Variants in FNDC7 observed in about 807,000 individuals in gnomAD.
FNDC7 encodes the protein fibronectin type III domain-containing protein 7.
Under a neutral mutation model 74.2 loss-of-function variants are expected in FNDC7, and 66 were observed. The ratio of observed to expected loss-of-function variants is 0.89; its 90% confidence interval spans 0.73 to 1.09. The LOEUF (loss-of-function observed/expected upper bound fraction) is 1.09. Ranked by LOEUF, FNDC7 falls within the 50% of genes least tolerant of loss-of-function variation. FNDC7 has a pLI of 0.00. For synonymous variants in FNDC7, 307 were observed against 330.2 expected (o/e 0.93, Z 0.76); for missense variants, 829 against 893.4 (o/e 0.93, Z 0.92).
intron 7 of FNDC7, 120 bp downstream of exon 7, chr1:108,728,185 G>A: frequency 7.9e-7 from 1 of 1,273,544 alleles, no homozygotes. Context: ...CAATCTTTGT[G>A]GAGACCAAGA....
intron 5 of FNDC7, among the ~76,000 whole-genome samples, chr1:108,723,088 C>T (rs1661133049): frequency 6.6e-6 from 1 of 152,108 alleles, no homozygotes; most frequent in South Asian, 2.1e-4. Context: ...AAGTTGACTC[C>T]TCTATTTAGA....
In FNDC7 at chr1:108,722,580, ACC is replaced by A. The variant is rs765732062; in HGVS notation, c.846_847del (p.Leu283GlufsTer31). 5.0e-6 allele frequency: 8 copies of A among 1,612,638 alleles called. No individual in the cohort carries two copies. In the African/African-American group the frequency reaches 9.3e-5, roughly 19 times the overall value. ...AGSSKSSSAM[T>X]LKTVACAPGR... The stretch of plus-strand genomic sequence containing the variant: ...ATCTAGCAAATCATCTTCAGCAATG[ACC>A]CTGAAAACTGGTATGTAAACAAGAG... On this transcript the variant is annotated frameshift_variant, in exon 5 of 13. Coordinates refer to ENST00000370017, the MANE Select transcript of FNDC7 (RefSeq NM_001144937.3). LOFTEE classifies it high-confidence loss of function.
intron 5 of FNDC7, among the ~76,000 whole-genome samples, chr1:108,725,509 G>A (rs994257103): frequency 6.6e-6 from 1 of 152,180 alleles, no homozygotes; most frequent in Admixed American, 6.5e-5. Flanking sequence ...CATATAACAA[G>A]AGAATGTGAG....
chr1:108,727,843 G>T lies in FNDC7; in HGVS notation c.1147G>T (p.Val383Leu), dbSNP rs756585673. The change falls in exon 7 of 13, where the codon GTG (valine) becomes TTG (leucine). Residue 383 changes from valine (V) to leucine (L), a missense_variant. Coordinates refer to ENST00000370017, the MANE Select transcript of FNDC7 (RefSeq NM_001144937.3). ...TCCTAGTGACATTAACCCCGTGTTG[G>T]TGTCCAGTGACAGAGTTGAGATTGT... is the stretch of plus-strand genomic sequence containing the variant. ...CCPSDINPVL[V>L]SSDRVEIVWS... 1.2e-6 allele frequency: 2 copies of T among 1,614,146 alleles called. No homozygotes were observed. The highest frequency in any genetic ancestry group is 1.7e-6 in the Non-Finnish European group (2 of 1,180,040).
chr1:108,740,318 CTTTTTTTTTTTT>C (rs567191029), intron 11 of FNDC7, among the ~76,000 whole-genome samples: 1 of 68,864 alleles, frequency 1.5e-5, no homozygotes, highest in Admixed American at 1.9e-4. Flanking sequence ...GCTTTTCAAA[CTTTTTTTTTTTT>C]TTTTTTTTTT....
chr1:108,737,174 G>A (rs1661535273), intron 10 of FNDC7, among the ~76,000 whole-genome samples: 1 of 152,048 alleles, frequency 6.6e-6, no homozygotes, highest in South Asian at 2.1e-4. Context: ...GTTTCGCCAT[G>A]TTGGCCAGGC....
chr1:108,727,304 G>A (rs1215136553), intron 6 of FNDC7, among the ~76,000 whole-genome samples: 1 of 152,118 alleles, frequency 6.6e-6, no homozygotes, highest in Non-Finnish European at 1.5e-5. Flanking sequence ...CAGCCTGGGT[G>A]GCAGAGCAAG....
rs1232344216 is a variant in FNDC7, at chr1:108,728,898, C to T, written c.1624+12C>T. On this transcript the variant is annotated intron_variant, in intron 8 of 12. Coordinates refer to ENST00000370017, the MANE Select transcript of FNDC7 (RefSeq NM_001144937.3). ...GCCCCTGGAAACAGGTATGTAGCAACCACCAGCCTGAATGTTGACTTCAGT... is the reference window on the plus strand; with the variant it reads ...GCCCCTGGAAACAGGTATGTAGCAATCACCAGCCTGAATGTTGACTTCAGT... 2 of 1,609,198 alleles carry T rather than the reference C, an allele frequency of 1.2e-6. No homozygotes were observed. Among genetic ancestry groups the T allele is most frequent in the Admixed American group, 3.3e-5 (2 of 59,954 alleles).
At chr1:108,721,640 CCTT>C (rs893618193) in intron 4 of FNDC7, among the ~76,000 whole-genome samples, 1 of 152,118 alleles carries the variant, frequency 6.6e-6, no homozygotes, top group Non-Finnish European at 1.5e-5. Flanking sequence ...GGCCAGGACA[CCTT>C]CTTACGCTTT....
chr1:108,717,588 G>C (rs528990765), intron 2 of FNDC7, among the ~76,000 whole-genome samples, 189 bp from the exon 3 acceptor site: 1 of 152,296 alleles, frequency 6.6e-6, no homozygotes, highest in South Asian at 2.1e-4. Context: ...AGAGGTTTGA[G>C]CTTTCTGGAT....
At chr1:108,736,963 C>CTTTTTTTTTTTTTTTTTTTTTTTTTT (rs1173562405) in intron 10 of FNDC7, among the ~76,000 whole-genome samples, 1 of 99,408 alleles carries the variant, frequency 1.0e-5, no homozygotes, top group Non-Finnish European at 1.9e-5. Flanking sequence ...GCTTGGCATT[C>CTTTTTTTTTTTTTTTTTTTTTTTTTT]TTTTTTTTTT....
chr1:108,719,010 A>AG lies in FNDC7; in HGVS notation c.560dup (p.Ile188AsnfsTer5). 1 of 1,552,264 alleles carries AG rather than the reference A, an allele frequency of 6.4e-7. No individual in the cohort carries two copies. The highest frequency in any genetic ancestry group is 8.7e-7 in the Non-Finnish European group (1 of 1,147,112). On this transcript the variant is annotated frameshift_variant, in exon 4 of 13. Coordinates refer to ENST00000370017, the MANE Select transcript of FNDC7 (RefSeq NM_001144937.3). LOFTEE classifies it high-confidence loss of function. ...AAAGGCCTATGCATGGAATGCCAAC[A>AG]GAATCCCTGGGGATGACTCCACCTG...
At chr1:108,715,737 C>A (rs1312239590) in intron 2 of FNDC7, among the ~76,000 whole-genome samples, 1 of 152,168 alleles carries the variant, frequency 6.6e-6, no homozygotes, top group Non-Finnish European at 1.5e-5. Context: ...TTCTTTACAA[C>A]AATCCTAAAA....
rs949084471 is a variant in FNDC7, at chr1:108,727,827, C to T, written c.1131C>T (p.Asp377=). Residue 377 remains aspartate (D), a synonymous_variant, in exon 7 of 13, where the codon GAC becomes GAT. Coordinates refer to ENST00000370017, the MANE Select transcript of FNDC7 (RefSeq NM_001144937.3). ...NYTTAPCCPS[D]INPVLVSSDR... Reference sequence around the variant, plus strand: ...TTTCAGCTCCCTGTTGTCCTAGTGACATTAACCCCGTGTTGGTGTCCAGTG... The same window carrying T: ...TTTCAGCTCCCTGTTGTCCTAGTGATATTAACCCCGTGTTGGTGTCCAGTG... 6.2e-7 allele frequency: 1 copy of T among 1,614,108 alleles called. No individual in the cohort carries two copies.
chr1:108,725,520 A>C (rs879339459), intron 5 of FNDC7, among the ~76,000 whole-genome samples: 13 of 152,316 alleles, frequency 8.5e-5, no homozygotes, highest in Middle Eastern at 3.4e-3. Context: ...AGAATGTGAG[A>C]GGTCATTAAA....
rs188343095 is a variant in FNDC7, at chr1:108,741,821, T to A, written c.*17T>A. ...GAAGAATGACAAAGTGAGCCCCAGA[T>A]AAAAACAAAAACTTGACCAAGTGAG... On this transcript the variant is annotated 3_prime_UTR_variant, in exon 12 of 13. Transcript: ENST00000370017. 662 of 1,613,294 alleles carry A rather than the reference T, an allele frequency of 4.1e-4. 4 individuals are homozygous for A. The highest frequency in any genetic ancestry group is 1.0e-3 in the Middle Eastern group (6 of 5,902).
At chr1:108,719,842 A>G (rs1393451290) in intron 4 of FNDC7, among the ~76,000 whole-genome samples, 1 of 152,198 alleles carries the variant, frequency 6.6e-6, no homozygotes, top group Non-Finnish European at 1.5e-5. Context: ...TGTAACCTAC[A>G]TAGATAGGAG....
intron 6 of FNDC7, 129 bp from the exon 7 acceptor site, chr1:108,727,679 T>C: frequency 3.6e-6 from 4 of 1,110,960 alleles, no homozygotes; most frequent in South Asian, 1.4e-5. Context: ...GACAGACCCA[T>C]AGGGAGTCAC....
At chr1:108,741,597 T>C (rs1176356672) in intron 11 of FNDC7, among the ~76,000 whole-genome samples, 176 bp from the exon 12 acceptor site, 1 of 152,244 alleles carries the variant, frequency 6.6e-6, no homozygotes, top group Non-Finnish European at 1.5e-5. Context: ...TAGAAACTGC[T>C]GATCAGTTTG....
Sources: gnomAD v4.1 joint callset for allele counts (sites outside exome capture counted in the v4.1 genomes callset) on GRCh38, gnomAD v4.1.1 for gene constraint, MANE v1.5 for transcripts, NCBI Gene and HGNC (gene_info 2026-07-23, HGNC 2026-07-21) for gene names.